The following PRICKLE1 variants were observed in gnomAD, a reference collection of about 807,000 sequenced individuals.
PRICKLE1 encodes the protein prickle planar cell polarity protein 1.
Under a neutral mutation model 70.2 loss-of-function variants are expected in PRICKLE1, and 14 were observed. The ratio of observed to expected loss-of-function variants is 0.20; its 90% CI spans 0.13 to 0.31. PRICKLE1 has a LOEUF of 0.31. Among genes scored for constraint, PRICKLE1 ranks in the 10% least tolerant of loss-of-function variants. PRICKLE1 has a pLI of 1.00. For synonymous variants in PRICKLE1, 357 were observed against 379.9 expected, an observed-to-expected ratio of 0.94 and a Z score of 0.70; for missense variants, 821 against 1,026.2, an observed-to-expected ratio of 0.80 and a Z score of 2.73.
In PRICKLE1 at chr12:42,458,417, TTTAG is replaced by T. The variant is rs1194366877; in HGVS notation, c.*1388_*1391del. On this transcript the variant is annotated 3_prime_UTR_variant, in exon 8 of 8. Coordinates refer to ENST00000345127, the MANE Select transcript of PRICKLE1 (RefSeq NM_153026.3). ...AAAGGTCCTGGATGCCACTAGAACC[TTTAG>T]TTAGGACTGAGATGTATATGCAAGA... 6.6e-6 allele frequency: 1 copy of T among 152,236 alleles called. No homozygotes were observed. Among genetic ancestry groups the T allele is most frequent in the East Asian group, 1.9e-4 (1 of 5,204 alleles). The allele number at this position is 152,236 out of a possible 1,614,324, so 9.4% of individuals were successfully genotyped here. A position where few individuals can be genotyped will look rare whatever the true frequency, so the allele number is the denominator to read the frequency against.
At chr12:42,491,603 T>C (rs1304586257) in intron 1 of PRICKLE1, among the ~76,000 whole-genome samples, 1 of 152,018 alleles carries the variant, frequency 6.6e-6, no homozygotes, top group Non-Finnish European at 1.5e-5. Flanking sequence ...CCTATCATTA[T>C]AAAAGAAGTA....
chr12:42,472,393 G>A lies in PRICKLE1; in HGVS notation c.124C>T (p.Pro42Ser), dbSNP rs758787019. The change falls in exon 2 of 8, where the codon CCA (proline) becomes TCA (serine). Residue 42 changes from proline (P) to serine (S), a missense_variant. Pro to Ser is a moderately conservative substitution (Grantham distance 74). Coordinates refer to ENST00000345127, the MANE Select transcript of PRICKLE1 (RefSeq NM_153026.3). ...GATGATGAAGTTCCTACCTGCTCTG[G>A]TCTCAGGCCCGGGGGGACCCAGGCG... ...EYAWVPPGLR[P>S]EQIQLYFACL... 1 of 1,614,090 alleles carries A rather than the reference G, an allele frequency of 6.2e-7. No individual in the cohort carries two copies. Among genetic ancestry groups the A allele is most frequent in the South Asian group, 1.1e-5 (1 of 91,074 alleles).
chr12:42,545,379 A>G (rs1220179065), intron 1 of PRICKLE1, among the ~76,000 whole-genome samples: 1 of 152,210 alleles, frequency 6.6e-6, no homozygotes, highest in East Asian at 1.9e-4. Context: ...TCATTCAATG[A>G]ATGACACACA....
At chr12:42,525,801 C>G (rs1669948) in intron 1 of PRICKLE1, among the ~76,000 whole-genome samples, 19,919 of 150,702 alleles carry the variant, frequency 0.13, 2,480 homozygotes, top group African/African-American at 0.33. Context: ...ACTGAGGGAA[C>G]AGAACCACCT....
intron 1 of PRICKLE1, among the ~76,000 whole-genome samples, chr12:42,550,052 T>C (rs1940285956): frequency 6.6e-6 from 1 of 152,262 alleles, no homozygotes; most frequent in African/African-American, 2.4e-5. Flanking sequence ...ACTGTCCATG[T>C]ACCTCACAGT....
intron 1 of PRICKLE1, among the ~76,000 whole-genome samples, chr12:42,544,524 T>C (rs972399398): frequency 2.0e-5 from 3 of 152,190 alleles, no homozygotes; most frequent in African/African-American, 2.4e-5. Flanking sequence ...TTAACATTTA[T>C]GGACCTAACT....
intron 1 of PRICKLE1, among the ~76,000 whole-genome samples, chr12:42,553,537 C>CG (rs796727351): frequency 0.02 from 314 of 15,728 alleles, 3 homozygotes; most frequent in African/African-American, 0.056. Context: ...GTGGGTGGGG[C>CG]GGGGGGGGTC....
At position 42,492,174 on chromosome 12, in the gene PRICKLE1, T is replaced by TC. The variant is rs1315359159; in HGVS notation, c.-48-19611dup. Among the ~76,000 whole-genome samples the TC allele has an allele frequency of 5.9e-5, 9 of 152,080 alleles. No homozygotes were observed. The South Asian group carries it at 1.9e-3, about 32-fold the overall frequency. On this transcript the variant is annotated intron_variant, in intron 1 of 7. Coordinates refer to ENST00000345127, the MANE Select transcript of PRICKLE1 (RefSeq NM_153026.3). ...TGGAGTGCAGTGGTGCAATCATAGC[T>TC]CACTGCAGCCTCTACCGCCCAGGCT...
intron 1 of PRICKLE1, among the ~76,000 whole-genome samples, chr12:42,562,777 T>C (rs1466513878): frequency 6.6e-6 from 1 of 152,144 alleles, no homozygotes. Context: ...AGAAAAAAAT[T>C]GTATAACAGT....
At chr12:42,512,381 A>G (rs1035213419) in intron 1 of PRICKLE1, among the ~76,000 whole-genome samples, 5 of 152,058 alleles carry the variant, frequency 3.3e-5, no homozygotes, top group African/African-American at 1.2e-4. Flanking sequence ...ACCATGTTGG[A>G]CAGGCTGGTC....
In PRICKLE1 at chr12:42,457,308, T is replaced by C. The variant is rs574625750; in HGVS notation, c.*2501A>G. ...TACTTGAAAAGTGAGGGCAGTACCT[T>C]CACCTTATACCTGCATTTCTTCAGG... On this transcript the variant is annotated 3_prime_UTR_variant, in exon 8 of 8. Transcript: ENST00000345127. The C allele has an allele frequency of 9.8e-5, 15 of 152,352 alleles. No homozygotes were observed. The highest frequency in any genetic ancestry group is 3.6e-4 in the African/African-American group (15 of 41,570). 9.4% of individuals were successfully genotyped at this position (152,352 alleles called of 1,614,324 possible).
chr12:42,469,503 T>C lies in PRICKLE1; in HGVS notation c.331A>G (p.Arg111Gly), dbSNP rs2140116465. The stretch of plus-strand genomic sequence containing the variant: ...CTGGACAGAAGCTTAATTGTTCCTC[T>C]TCCCAGTGCTTCTTTCTTCCGCTGA... ...SAQRKKEALG[R>G]GTIKLLSRAV... Residue 111 changes from arginine (R) to glycine (G), a missense_variant, in exon 4 of 8, where the codon AGA becomes GGA. By Grantham distance (125) the Arg-to-Gly change is moderately radical (BLOSUM62 -2). Coordinates refer to ENST00000345127, the MANE Select transcript of PRICKLE1 (RefSeq NM_153026.3). The C allele has an allele frequency of 6.2e-7, 1 of 1,614,210 alleles. No individual in the cohort carries two copies. Among genetic ancestry groups the C allele is most frequent in the East Asian group, 2.2e-5 (1 of 44,882 alleles).
chr12:42,511,815 T>C (rs953653293), intron 1 of PRICKLE1, among the ~76,000 whole-genome samples: 2 of 152,184 alleles, frequency 1.3e-5, no homozygotes, highest in African/African-American at 2.4e-5. Flanking sequence ...AAAGGTTTTC[T>C]TTACTTCTCA....
chr12:42,567,143 C>A (rs1164558282), intron 1 of PRICKLE1, among the ~76,000 whole-genome samples: 1 of 152,180 alleles, frequency 6.6e-6, no homozygotes. Context: ...GGTTTTCAAT[C>A]CGGATGGTCT....
chr12:42,506,520 G>C (rs1939420222), intron 1 of PRICKLE1, among the ~76,000 whole-genome samples: 1 of 145,934 alleles, frequency 6.9e-6, no homozygotes, highest in Non-Finnish European at 1.5e-5. Flanking sequence ...GCCTCCCAAA[G>C]TGTTGGGATT....
chr12:42,477,019 T>G (rs1334834490), intron 1 of PRICKLE1, among the ~76,000 whole-genome samples: 1 of 152,070 alleles, frequency 6.6e-6, no homozygotes, highest in Non-Finnish European at 1.5e-5. Context: ...AGTATATCAG[T>G]CGGGTAAAGC....
intron 1 of PRICKLE1, among the ~76,000 whole-genome samples, chr12:42,503,294 T>G (rs948442456): frequency 1.3e-5 from 2 of 152,146 alleles, no homozygotes; most frequent in Non-Finnish European, 2.9e-5. Context: ...GAGAAGAGCC[T>G]TTTGACAACA....
intron 1 of PRICKLE1, among the ~76,000 whole-genome samples, chr12:42,525,717 CTTTT>C (rs34785466): frequency 7.2e-6 from 1 of 138,526 alleles, no homozygotes; most frequent in Non-Finnish European, 1.6e-5. Flanking sequence ...GCTTTGTTTG[CTTTT>C]TTTTTTTTTT....
chr12:42,538,813 T>C (rs1396162827), intron 1 of PRICKLE1, among the ~76,000 whole-genome samples: 3 of 152,220 alleles, frequency 2.0e-5, no homozygotes, highest in Non-Finnish European at 4.4e-5. Context: ...AAGTGCATTA[T>C]ATATGATGCA....
Sources: allele counts gnomAD v4.1 joint callset (sites outside exome capture counted in the v4.1 genomes callset), GRCh38; gene constraint gnomAD v4.1.1; transcripts MANE v1.5; gene names NCBI Gene and HGNC (gene_info 2026-07-23, HGNC 2026-07-21).